The following ATP11A variants were observed in gnomAD, a reference collection of about 807,000 sequenced individuals.
The protein encoded by ATP11A is ATPase phospholipid transporting 11A.
ATP11A carries 81 observed loss-of-function variants against 154.4 expected under a neutral mutation model. That is an observed-to-expected ratio of 0.52 (90% CI 0.44 to 0.63). ATP11A has a LOEUF of 0.63. Ranked by LOEUF, ATP11A falls within the 30% of genes least tolerant of loss-of-function variation. The pLI is 0.00. For missense variants in ATP11A, 1,316 were observed against 1,474.3 expected (o/e 0.89, Z 1.76); for synonymous variants, 623 against 585.9 (o/e 1.06, Z -0.91).
At chr13:112,856,658 A>C (rs1024673707) in intron 20 of ATP11A, 3 of 69,750 alleles carry the variant, frequency 4.3e-5, no homozygotes, top group African/African-American at 1.9e-4. Flanking sequence ...TAGTTTTGAA[A>C]GCACTATGGA....
At chr13:112,809,137 G>A (rs2078413683) in intron 4 of ATP11A, among the ~76,000 whole-genome samples, 1 of 152,136 alleles carries the variant, frequency 6.6e-6, no homozygotes, top group African/African-American at 2.4e-5. Context: ...TGAGCATGCA[G>A]TTGGTGCTAA....
rs1050115202 is a variant in ATP11A, at chr13:112,886,731, A to T, written c.*4865A>T. The stretch of plus-strand genomic sequence containing the variant: ...GTATACAGAATTTTAATATGCATAT[A>T]TTGTGTCTGACTTAAAATTATAATG... On this transcript the variant is annotated 3_prime_UTR_variant, in exon 30 of 30. Coordinates refer to ENST00000375645, the MANE Select transcript of ATP11A (RefSeq NM_015205.3). 4 of 152,576 alleles carry T rather than the reference A, an allele frequency of 2.6e-5. No homozygotes were observed. The highest frequency in any genetic ancestry group is 6.5e-5 in the Admixed American group (1 of 15,282). The allele number at this position is 152,576 out of a possible 1,614,324, so 9.5% of individuals were successfully genotyped here.
chr13:112,886,536 C>A lies in ATP11A; in HGVS notation c.*4670C>A, dbSNP rs1430288171. ...AAAAATATCAGTTGGCAAATGCAAT[C>A]TTTTTTTTTTTTAAGCTAAAGGTGG... is the stretch of plus-strand genomic sequence containing the variant. On this transcript the variant is annotated 3_prime_UTR_variant, in exon 30 of 30. Transcript: ENST00000375645. 6.2e-5 allele frequency: 9 copies of A among 145,744 alleles called. No individual in the cohort carries two copies. In the Admixed American group the frequency reaches 6.2e-4, roughly 10 times the overall value. The allele number at this position is 145,744 out of a possible 1,614,324, so 9.0% of individuals were successfully genotyped here.
In ATP11A at chr13:112,819,348, G is replaced by A. The variant is rs766390550; in HGVS notation, c.615G>A (p.Glu205=). ...ACACCAAAGGCTTCCACACAGAGGA[G>A]GATATCGGCGGACTTCACGCCACCA... ...VQDTKGFHTE[E]DIGGLHATIE... is the part of the protein sequence containing the mutation. Residue 205 remains glutamate, a synonymous_variant, in exon 7 of 30, where the codon GAG becomes GAA. Transcript: ENST00000375645. 7 of 1,614,098 alleles carry A rather than the reference G, an allele frequency of 4.3e-6. No homozygotes were observed. The East Asian group carries it at 6.7e-5, about 15-fold the overall frequency.
intron 2 of ATP11A, among the ~76,000 whole-genome samples, chr13:112,799,499 G>A (rs1483874270): frequency 2.0e-5 from 3 of 152,158 alleles, no homozygotes; most frequent in South Asian, 4.1e-4. Flanking sequence ...GGGCAGGGGC[G>A]GGGGTCACAA....
chr13:112,870,769 C>T (rs931197348), intron 25 of ATP11A, among the ~76,000 whole-genome samples: 3 of 152,250 alleles, frequency 2.0e-5, no homozygotes, highest in African/African-American at 7.2e-5. Context: ...AGCGCAGGAG[C>T]GTCCCAAAGG....
intron 1 of ATP11A, among the ~76,000 whole-genome samples, chr13:112,730,616 G>A (rs1044917529): frequency 2.0e-5 from 3 of 152,346 alleles, no homozygotes; most frequent in Non-Finnish European, 2.9e-5. Flanking sequence ...GCTCCCGTGC[G>A]GAGTCTGCGC....
chr13:112,731,303 GTTAGCTTTATTACTAAAGAAAACAGA>G (rs138150792), intron 1 of ATP11A, among the ~76,000 whole-genome samples: 6,474 of 152,186 alleles, frequency 0.043, 479 homozygotes, highest in African/African-American at 0.15. Context: ...AACAGGAAGG[GTTAGCTTTATTACTAAAGAAAACAGA>G]TTAGCTTTAT....
intron 1 of ATP11A, among the ~76,000 whole-genome samples, chr13:112,712,154 GAC>G (rs1887832266): frequency 6.6e-6 from 1 of 152,320 alleles, no homozygotes; most frequent in South Asian, 2.1e-4. Context: ...CACCCTGAGT[GAC>G]ACACGCTATG....
At chr13:112,734,640 C>T (rs547410559) in intron 1 of ATP11A, among the ~76,000 whole-genome samples, 1 of 152,290 alleles carries the variant, frequency 6.6e-6, no homozygotes, top group South Asian at 2.1e-4. Context: ...CTTTCACACT[C>T]CTGTACTTTT....
chr13:112,783,354 G>C (rs538094359), intron 1 of ATP11A, among the ~76,000 whole-genome samples: 1 of 152,334 alleles, frequency 6.6e-6, no homozygotes, highest in Non-Finnish European at 1.5e-5. Context: ...GAGAGGACTT[G>C]GCCCTGAGCA....
rs776863258 is a variant in ATP11A, at chr13:112,714,094, A to AC, written c.39+23639_39+23640insC. Among the ~76,000 whole-genome samples, 1,050 of 105,800 alleles carry AC rather than the reference A, an allele frequency of 9.9e-3. 11 individuals are homozygous for AC. Among genetic ancestry groups the AC allele is most frequent in the Middle Eastern group, 0.037 (7 of 190 alleles). The allele number at this position is 105,800 out of a possible 152,430, so 69.4% of individuals were successfully genotyped here. ...TTCCACTCCCCCGACCCCTGGTCCC[A>AC]GCCTCCCTTCCACTCCCCGCACCCC... On this transcript the variant is annotated intron_variant, in intron 1 of 29. Coordinates refer to ENST00000375645, the MANE Select transcript of ATP11A (RefSeq NM_015205.3).
chr13:112,776,685 T>C (rs2077356919), intron 1 of ATP11A, among the ~76,000 whole-genome samples: 1 of 152,154 alleles, frequency 6.6e-6, no homozygotes, highest in Non-Finnish European at 1.5e-5. Flanking sequence ...AACCTCCACC[T>C]CCCAGGTTCA....
In ATP11A at chr13:112,883,557, A is replaced by AC. The variant is rs2080929832; in HGVS notation, c.*1693dup. The AC allele has an allele frequency of 5.3e-6, 1 of 189,128 alleles. No homozygotes were observed. The highest frequency in any genetic ancestry group is 1.1e-5 in the Non-Finnish European group (1 of 93,178). 11.7% of individuals were successfully genotyped at this position (189,128 alleles called of 1,614,324 possible). A position where few individuals can be genotyped will look rare whatever the true frequency, so the allele number is the denominator to read the frequency against. ...TCACCATTTGATTGTATAATCTTTT[A>AC]CCTATAAAATATTTATTTGAAGTAG... is the stretch of plus-strand genomic sequence containing the variant. On this transcript the variant is annotated 3_prime_UTR_variant, in exon 30 of 30. Transcript: ENST00000375645.
At chr13:112,699,635 G>A (rs764987365) in intron 1 of ATP11A, among the ~76,000 whole-genome samples, 8 of 152,220 alleles carry the variant, frequency 5.3e-5, no homozygotes, top group Non-Finnish European at 8.8e-5. Flanking sequence ...ACTTCTGTTC[G>A]TGTTACTTCT....
intron 2 of ATP11A, among the ~76,000 whole-genome samples, chr13:112,792,421 G>A (rs1234603898): frequency 2.6e-5 from 4 of 152,220 alleles, no homozygotes; most frequent in East Asian, 1.9e-4. Flanking sequence ...CTGGGGTGGC[G>A]GAGGAAATGA....
At chr13:112,830,418 A>G (rs2079054235) in intron 12 of ATP11A, among the ~76,000 whole-genome samples, 1 of 152,152 alleles carries the variant, frequency 6.6e-6, no homozygotes, top group African/African-American at 2.4e-5. Flanking sequence ...TCTACTAAAA[A>G]TACAAAAATT....
At chr13:112,870,230 T>C (rs1398969854) in intron 25 of ATP11A, among the ~76,000 whole-genome samples, 4 of 152,214 alleles carry the variant, frequency 2.6e-5, no homozygotes, top group African/African-American at 9.6e-5. Flanking sequence ...CCTAACACTT[T>C]TTTCTATAAT....
At chr13:112,720,809 G>T (rs1296708525) in intron 1 of ATP11A, among the ~76,000 whole-genome samples, 1 of 152,124 alleles carries the variant, frequency 6.6e-6, no homozygotes, top group East Asian at 1.9e-4. Context: ...ACCTGCCTTG[G>T]CCTCTCAAAG....
Sources: gnomAD v4.1 joint callset for allele counts (sites outside exome capture counted in the v4.1 genomes callset) on GRCh38, gnomAD v4.1.1 for gene constraint, MANE v1.5 for transcripts, NCBI Gene and HGNC (gene_info 2026-07-23, HGNC 2026-07-21) for gene names.